Variants in PDIA3 observed in about 807,000 individuals in gnomAD.
PDIA3 encodes protein disulfide-isomerase A3.
In PDIA3, 16 loss-of-function variants were observed where a neutral mutation model predicts 56.9. The observed-to-expected ratio is 0.28, with a 90% CI of 0.19 to 0.43. The LOEUF (loss-of-function observed/expected upper bound fraction) is 0.43. Ranked by LOEUF, PDIA3 falls within the 20% of genes least tolerant of loss-of-function variation. The pLI, the probability that PDIA3 is intolerant of heterozygous loss-of-function variation, is 1.00. For missense variants in PDIA3, 485 were observed against 621.3 expected, an observed-to-expected ratio of 0.78 and a Z score of 2.33; for synonymous variants, 192 against 216.5, an observed-to-expected ratio of 0.89 and a Z score of 0.99.
Position 43,761,437 on chromosome 15 carries a change from C to A in PDIA3, c.378C>A (p.Ser126Arg). The A allele has an allele frequency of 6.3e-7, 1 of 1,579,500 alleles. No individual in the cohort carries two copies. Among genetic ancestry groups the A allele is most frequent in the Non-Finnish European group, 8.7e-7 (1 of 1,155,836 alleles). ...TTGACTTCTAAGATGGAATTGTCAG[C>A]CACTTGAAGAAGCAGGCAGGACCAG... The part of the protein sequence containing the change: ...DGPRTADGIV[S>R]HLKKQAGPAS... The change falls in exon 4 of 13, where the codon AGC (serine) becomes AGA (arginine). Residue 126 changes from serine to arginine, a missense_variant. Coordinates refer to ENST00000300289, the MANE Select transcript of PDIA3 (RefSeq NM_005313.5).
At chr15:43,757,070 T>G (rs2086782844) in intron 3 of PDIA3, among the ~76,000 whole-genome samples, 1 of 152,170 alleles carries the variant, frequency 6.6e-6, no homozygotes, top group African/African-American at 2.4e-5. Context: ...ATTGATAAAA[T>G]AGACAAGGTC....
At chr15:43,750,324 G>C (rs1178785178) in intron 1 of PDIA3, among the ~76,000 whole-genome samples, 2 of 151,290 alleles carry the variant, frequency 1.3e-5, no homozygotes, top group African/African-American at 4.9e-5. Context: ...CTTAGTGAAA[G>C]CTTTCTTTGC....
intron 3 of PDIA3, among the ~76,000 whole-genome samples, chr15:43,758,170 G>T (rs895375055): frequency 6.6e-6 from 1 of 151,514 alleles, no homozygotes; most frequent in South Asian, 2.1e-4. Context: ...CCTGGGAGGC[G>T]GGGTTGCGGT....
intron 8 of PDIA3, 73 bp downstream of exon 8, chr15:43,766,983 GAAC>G (rs1485889683): frequency 1.5e-6 from 2 of 1,308,546 alleles, no homozygotes; most frequent in Non-Finnish European, 2.2e-6. Context: ...GATTTCTAAA[GAAC>G]AATAACCCTG....
intron 8 of PDIA3, 146 bp from the exon 9 acceptor site, chr15:43,768,343 C>G (rs555067509): frequency 5.2e-6 from 3 of 582,440 alleles, no homozygotes; most frequent in Non-Finnish European, 9.5e-6. Flanking sequence ...TTTCTTCAGT[C>G]GGTAGTTCTG....
chr15:43,757,794 G>A (rs1242524189), intron 3 of PDIA3, among the ~76,000 whole-genome samples: 11 of 151,510 alleles, frequency 7.3e-5, no homozygotes, highest in Admixed American at 3.9e-4. Flanking sequence ...CCCAGGAGGC[G>A]GAGGTTGCAG....
At chr15:43,764,243 G>A (rs1012104268) in intron 5 of PDIA3, among the ~76,000 whole-genome samples, 4 of 152,104 alleles carry the variant, frequency 2.6e-5, no homozygotes, top group African/African-American at 4.8e-5. Flanking sequence ...GAAGTCACTG[G>A]CAGCCACATG....
chr15:43,769,787 G>A (rs192875341), intron 10 of PDIA3, 141 bp downstream of exon 10: 5 of 873,926 alleles, frequency 5.7e-6, no homozygotes, highest in Admixed American at 4.9e-5. Flanking sequence ...TCACTTTCTC[G>A]TGACTGCCCC....
At chr15:43,767,369 A>G (rs555028204) in intron 8 of PDIA3, among the ~76,000 whole-genome samples, 1 of 152,226 alleles carries the variant, frequency 6.6e-6, no homozygotes, top group African/African-American at 2.4e-5. Flanking sequence ...AGAAATAAAT[A>G]AAGAAAAATA....
intron 6 of PDIA3, 138 bp downstream of exon 6, chr15:43,765,704 T>G: frequency 1.2e-6 from 1 of 846,754 alleles, no homozygotes; most frequent in East Asian, 2.4e-5. Context: ...GAGTTTATAT[T>G]AAAGCAGTAA....
At chr15:43,770,370 A>C in intron 11 of PDIA3, 41 bp downstream of exon 11, 1 of 1,525,468 alleles carries the variant, frequency 6.6e-7, no homozygotes, top group Non-Finnish European at 9.1e-7. Context: ...TAGGCAATAG[A>C]TAGGAATAAA....
chr15:43,769,472 T>C (rs1363582435), intron 9 of PDIA3, 46 bp from the exon 10 acceptor site: 2 of 1,591,352 alleles, frequency 1.3e-6, no homozygotes, highest in Non-Finnish European at 1.7e-6. Context: ...CAGTTGTGAA[T>C]TTATTTTTTT....
At chr15:43,766,152 AAT>A in intron 7 of PDIA3, 140 bp downstream of exon 7, 4 of 623,112 alleles carry the variant, frequency 6.4e-6, no homozygotes, top group Non-Finnish European at 1.0e-5. Flanking sequence ...AAAAAAAAAA[AAT>A]TAAAGTAACT....
chr15:43,764,024 G>A (rs1306017190), intron 5 of PDIA3, among the ~76,000 whole-genome samples: 1 of 152,180 alleles, frequency 6.6e-6, no homozygotes, highest in Non-Finnish European at 1.5e-5. Flanking sequence ...TAAATTTTAA[G>A]TGCCATACAA....
rs2086887541 is a variant in PDIA3, at chr15:43,772,523, A to G, written c.*1305A>G. The G allele has an allele frequency of 6.6e-6, 1 of 152,264 alleles. No homozygotes were observed. The allele number at this position is 152,264 out of a possible 1,614,324, so 9.4% of individuals were successfully genotyped here. The stretch of plus-strand genomic sequence containing the variant: ...GGATCTAATTGTTTAGAGAGCCCCA[A>G]AAGTGGCTCAGATGTAAAGCCAGGG... On this transcript the variant is annotated 3_prime_UTR_variant, in exon 13 of 13. Coordinates refer to ENST00000300289, the MANE Select transcript of PDIA3 (RefSeq NM_005313.5).
At chr15:43,755,604 G>C (rs2086773669) in intron 2 of PDIA3, among the ~76,000 whole-genome samples, 1 of 152,038 alleles carries the variant, frequency 6.6e-6, no homozygotes, top group African/African-American at 2.4e-5. Context: ...TTATCAAGCA[G>C]CTTGCCATAG....
intron 2 of PDIA3, among the ~76,000 whole-genome samples, chr15:43,754,837 TC>T (rs2086767736): frequency 6.6e-6 from 1 of 151,152 alleles, no homozygotes; most frequent in Non-Finnish European, 1.5e-5. Flanking sequence ...GCTTCCATAG[TC>T]CCAGCTACTC....
intron 1 of PDIA3, among the ~76,000 whole-genome samples, chr15:43,749,729 G>C (rs928973998): frequency 1.3e-5 from 2 of 152,032 alleles, no homozygotes; most frequent in African/African-American, 4.8e-5. Flanking sequence ...GGAGGCAGTG[G>C]CGAGGTAAGA....
rs894664826 is a variant in PDIA3 at position 43,765,896 on chromosome 15, C to G, written c.729C>G (p.Ile243Met). 3.7e-6 allele frequency: 6 copies of G among 1,609,766 alleles called. No individual in the cohort carries two copies. Among genetic ancestry groups the G allele is most frequent in the Admixed American group, 1.7e-5 (1 of 58,780 alleles). Residue 243 changes from isoleucine to methionine, a missense_variant, in exon 7 of 13, where the codon ATC (isoleucine) becomes ATG (methionine). Transcript: ENST00000300289. ...GATTATTTCATTTCAGTTTTGGTAT[C>G]TGCCCTCACATGACAGAAGACAATA... ...KKFIQENIFG[I>M]CPHMTEDNKD...
Sources: gnomAD v4.1 joint callset for allele counts (sites outside exome capture counted in the v4.1 genomes callset) on GRCh38, gnomAD v4.1.1 for gene constraint, MANE v1.5 for transcripts, NCBI Gene and HGNC (gene_info 2026-07-23, HGNC 2026-07-21) for gene names.